The following VPS54 variants were observed in gnomAD, a reference collection of about 807,000 sequenced individuals.
VPS54 encodes the protein vacuolar protein sorting-associated protein 54.
Under a neutral mutation model 121.5 loss-of-function variants are expected in VPS54, and 45 were observed. That is an observed-to-expected ratio of 0.37 (90% CI 0.29 to 0.47). The LOEUF is 0.47. Ranked by LOEUF, VPS54 falls within the 20% of genes least tolerant of loss-of-function variation. The probability of loss-of-function intolerance (pLI) is 0.99; values close to 1 mark genes in which losing one functional copy is unlikely to be tolerated. For missense variants in VPS54, 1,090 were observed against 1,131.4 expected, an observed-to-expected ratio of 0.96 and a Z score of 0.52; for synonymous variants, 371 against 385.8, an observed-to-expected ratio of 0.96 and a Z score of 0.45.
rs766329332 is a variant in VPS54, at chr2:63,919,946, A to G, written c.2101T>C (p.Phe701Leu). The change falls in exon 15 of 23, where the codon TTT (phenylalanine) becomes CTT (leucine). Residue 701 changes from phenylalanine to leucine, a missense_variant. Around this residue, in one of 2 missense-constraint regions of VPS54, gnomAD observed 289 missense variants for 374.4 expected, o/e 0.77. Transcript: ENST00000272322. ...GACAGAGAATCAACAAGATCCTGAA[A>G]TTCTGCAGGAACATCTGCTTGCTTC... ...RWKQADVPAE[F>L]QDLVDSLSDG... The G allele has an allele frequency of 6.2e-7, 1 of 1,612,574 alleles. No homozygotes were observed. The highest frequency in any genetic ancestry group is 1.7e-5 in the Admixed American group (1 of 59,940).
At position 63,892,765 on chromosome 2, in the gene VPS54, T is replaced by G. The variant is rs1201894048; in HGVS notation, c.*665A>C. The stretch of plus-strand genomic sequence containing the variant: ...AGTATTAATTACTTAAAAAAAGGCT[T>G]AAGTCTTTCAGGTATTTAGAGAGCT... On this transcript the variant is annotated 3_prime_UTR_variant, in exon 23 of 23. Transcript: ENST00000272322. 1 of 152,376 alleles carries G rather than the reference T, an allele frequency of 6.6e-6. No homozygotes were observed. The highest frequency in any genetic ancestry group is 1.5e-5 in the Non-Finnish European group (1 of 68,012). The allele number at this position is 152,376 out of a possible 1,614,324, so 9.4% of individuals were successfully genotyped here. A position where few individuals can be genotyped will look rare whatever the true frequency, so the allele number is the denominator to read the frequency against.
At chr2:63,894,129 C>T (rs1479507080) in intron 22 of VPS54, among the ~76,000 whole-genome samples, 2 of 152,156 alleles carry the variant, frequency 1.3e-5, no homozygotes, top group Non-Finnish European at 2.9e-5. Context: ...TACTATCCCC[C>T]ATCAGACTAG....
chr2:63,974,426 C>T (rs946796982), intron 3 of VPS54, among the ~76,000 whole-genome samples: 2 of 152,120 alleles, frequency 1.3e-5, no homozygotes, highest in Non-Finnish European at 2.9e-5. Context: ...GTTAGCTATT[C>T]TGGGTCTTTT....
chr2:63,927,261 C>T (rs888749712), intron 12 of VPS54, among the ~76,000 whole-genome samples: 2 of 152,114 alleles, frequency 1.3e-5, no homozygotes, highest in Non-Finnish European at 2.9e-5. Context: ...AGTAGGGGGC[C>T]GACAGACACC....
At chr2:63,895,694 C>T (rs1485692610) in intron 22 of VPS54, among the ~76,000 whole-genome samples, 1 of 142,814 alleles carries the variant, frequency 7.0e-6, no homozygotes, top group East Asian at 2.0e-4. Context: ...ATTTCAGAAA[C>T]AAAAACTTTT....
intron 17 of VPS54, chr2:63,913,803 T>G (rs903182907): frequency 4.0e-6 from 4 of 1,011,288 alleles, no homozygotes; most frequent in Admixed American, 5.6e-5. Flanking sequence ...TCTGAAAGAA[T>G]GATGCAAGAA....
intron 12 of VPS54, among the ~76,000 whole-genome samples, chr2:63,922,987 A>G (rs1673714526): frequency 6.6e-6 from 1 of 152,144 alleles, no homozygotes; most frequent in South Asian, 2.1e-4. Flanking sequence ...GTTTTTTAAA[A>G]TAATTTCATT....
intron 16 of VPS54, among the ~76,000 whole-genome samples, chr2:63,915,171 A>C (rs962754182): frequency 1.3e-5 from 2 of 150,968 alleles, no homozygotes; most frequent in Non-Finnish European, 2.9e-5. Context: ...AAAAAAAAAA[A>C]AAAAAAAGTT....
chr2:63,906,865 T>C (rs923138610), intron 20 of VPS54, among the ~76,000 whole-genome samples: 2 of 152,178 alleles, frequency 1.3e-5, no homozygotes, highest in African/African-American at 4.8e-5. Flanking sequence ...TAAAATTTTA[T>C]AGGGAAAAGC....
rs1674334537 is a variant in VPS54, at chr2:63,933,921, A to G, written c.1491T>C (p.Asn497=). 1.9e-6 allele frequency: 3 copies of G among 1,613,740 alleles called. No individual in the cohort carries two copies. The highest frequency in any genetic ancestry group is 2.2e-5 in the South Asian group (2 of 91,072). Residue 497 remains asparagine, a synonymous_variant, in exon 12 of 23, where the codon AAT becomes AAC. Coordinates refer to ENST00000272322, the MANE Select transcript of VPS54 (RefSeq NM_016516.3). ...RELEEISQQK[N]AAKDNSLDTE... Reference sequence around the variant, plus strand: ...TGTCCAGTGAATTATCTTTTGCAGCATTCTTCTGTTGTGAAATCTCTTCCA... The same window carrying G: ...TGTCCAGTGAATTATCTTTTGCAGCGTTCTTCTGTTGTGAAATCTCTTCCA...
At chr2:63,971,872 T>C (rs887668930) in intron 4 of VPS54, among the ~76,000 whole-genome samples, 5 of 152,128 alleles carry the variant, frequency 3.3e-5, no homozygotes, top group African/African-American at 9.7e-5. Flanking sequence ...TCCCAAGTAG[T>C]TGGGACTACA....
intron 1 of VPS54, among the ~76,000 whole-genome samples, chr2:64,008,671 A>C (rs1678282501): frequency 6.6e-6 from 1 of 152,138 alleles, no homozygotes; most frequent in African/African-American, 2.4e-5. Flanking sequence ...CCAATGTGTG[A>C]GTGGGAGGAG....
chr2:64,002,528 T>C (rs1410696708), intron 1 of VPS54, among the ~76,000 whole-genome samples: 1 of 152,240 alleles, frequency 6.6e-6, no homozygotes, highest in Admixed American at 6.5e-5. Flanking sequence ...TCAGATAAAT[T>C]AGATATTCAT....
intron 1 of VPS54, among the ~76,000 whole-genome samples, chr2:63,992,479 G>A (rs750898205): frequency 1.3e-5 from 2 of 152,214 alleles, no homozygotes; most frequent in Non-Finnish European, 1.5e-5. Flanking sequence ...GCTGGTTTAG[G>A]TTATCCTTTT....
At chr2:63,984,046 A>T in intron 1 of VPS54, 27 bp from the exon 2 acceptor site, 1 of 1,525,388 alleles carries the variant, frequency 6.6e-7, no homozygotes, top group South Asian at 1.3e-5. Flanking sequence ...AATACTAATT[A>T]AGACACCGCA....
chr2:64,005,643 C>A (rs1157478959), intron 1 of VPS54, among the ~76,000 whole-genome samples: 1 of 152,156 alleles, frequency 6.6e-6, no homozygotes, highest in South Asian at 2.1e-4. Context: ...AACTTTGACA[C>A]TACTGACATT....
intron 12 of VPS54, among the ~76,000 whole-genome samples, chr2:63,932,097 G>A (rs1674237318): frequency 6.6e-6 from 1 of 152,178 alleles, no homozygotes; most frequent in Admixed American, 6.5e-5. Context: ...AGACAGTGTG[G>A]CGATTCTTCA....
intron 12 of VPS54, among the ~76,000 whole-genome samples, chr2:63,932,088 G>A (rs1674236502): frequency 6.6e-6 from 1 of 152,188 alleles, no homozygotes; most frequent in African/African-American, 2.4e-5. Context: ...CATTGTGGAA[G>A]ACAGTGTGGC....
chr2:64,000,156 G>A (rs568502447), intron 1 of VPS54, among the ~76,000 whole-genome samples: 9 of 152,038 alleles, frequency 5.9e-5, no homozygotes, highest in East Asian at 5.8e-4. Context: ...CACCACACCC[G>A]GCCGATCAAC....
Sources: allele counts gnomAD v4.1 joint callset (sites outside exome capture counted in the v4.1 genomes callset), GRCh38; gene constraint gnomAD v4.1.1; regional missense constraint gnomAD v4.1.1; transcripts MANE v1.5; gene names NCBI Gene and HGNC (gene_info 2026-07-23, HGNC 2026-07-21).